CADM2: variants seen among roughly 807,000 people sequenced by gnomAD.
CADM2 encodes the protein immunoglobulin superfamily member 4D.
Under a neutral mutation model 49.8 loss-of-function variants are expected in CADM2, and 12 were observed. That is an observed-to-expected ratio of 0.24 (90% CI 0.15 to 0.39). The LOEUF is 0.39. Among genes scored for constraint, CADM2 ranks in the 10% least tolerant of loss-of-function variants. The probability of loss-of-function intolerance (pLI) is 1.00; values close to 1 mark genes in which losing one functional copy is unlikely to be tolerated. For missense variants in CADM2, 378 were observed against 492.3 expected (o/e 0.77, Z 2.20); for synonymous variants, 214 against 175.4 (o/e 1.22, Z -1.74).
intron 1 of CADM2, among the ~76,000 whole-genome samples, chr3:85,172,997 C>CTT (rs1160127798): frequency 1.5e-5 from 2 of 137,314 alleles, no homozygotes; most frequent in South Asian, 2.3e-4. Flanking sequence ...TATCTAATAC[C>CTT]TTTTTTTTTT....
At chr3:85,867,060 A>C (rs1476914939) in intron 3 of CADM2, among the ~76,000 whole-genome samples, 1 of 152,192 alleles carries the variant, frequency 6.6e-6, no homozygotes, top group Non-Finnish European at 1.5e-5. Flanking sequence ...TAATCATACT[A>C]TAAATTCCCT....
chr3:85,865,040 G>A (rs1320466655), intron 3 of CADM2, among the ~76,000 whole-genome samples: 1 of 152,222 alleles, frequency 6.6e-6, no homozygotes, highest in Non-Finnish European at 1.5e-5. Context: ...GCAGGGCACT[G>A]TGATCCAGTT....
At chr3:85,364,856 A>T (rs1011338958) in intron 1 of CADM2, among the ~76,000 whole-genome samples, 2 of 148,238 alleles carry the variant, frequency 1.3e-5, no homozygotes, top group Non-Finnish European at 3.0e-5. Context: ...TCTGGATCAT[A>T]TGCTTGTTCC....
chr3:85,888,986 G>GA (rs2108409994), intron 5 of CADM2, among the ~76,000 whole-genome samples: 1 of 152,146 alleles, frequency 6.6e-6, no homozygotes, highest in Non-Finnish European at 1.5e-5. Context: ...AAGGCAAACA[G>GA]AAAAGACAGG....
At chr3:85,705,667 C>T (rs547624550) in intron 1 of CADM2, among the ~76,000 whole-genome samples, 14 of 152,178 alleles carry the variant, frequency 9.2e-5, no homozygotes, top group Non-Finnish European at 1.3e-4. Context: ...CTGAACTCCA[C>T]ATGCTGGGAC....
At chr3:85,011,671 A>C (rs923767373) in intron 1 of CADM2, among the ~76,000 whole-genome samples, 1 of 152,046 alleles carries the variant, frequency 6.6e-6, no homozygotes, top group Non-Finnish European at 1.5e-5. Context: ...CCAACACAGG[A>C]GGATCGCTCG....
rs560137634 is a variant in CADM2, at chr3:85,689,040, C to A, written c.62-37482C>A. On this transcript the variant is annotated intron_variant, in intron 1 of 9. Transcript: ENST00000383699. The stretch of plus-strand genomic sequence containing the variant: ...CAAAAACTGGAAACAACCTAAATAT[C>A]TATTGACAGGTAGTATCCCTACAGA... Among the ~76,000 whole-genome samples the A allele has an allele frequency of 6.6e-5, 10 of 152,294 alleles. No individual in the cohort carries two copies. The South Asian group carries it at 2.1e-3, about 32-fold the overall frequency.
chr3:85,270,150 T>G (rs2043207917), intron 1 of CADM2, among the ~76,000 whole-genome samples: 1 of 151,318 alleles, frequency 6.6e-6, no homozygotes, highest in Non-Finnish European at 1.5e-5. Flanking sequence ...TCTCTGAATT[T>G]ATTGACCTGA....
chr3:85,426,131 CTT>C (rs75964821), intron 1 of CADM2, among the ~76,000 whole-genome samples: 44 of 148,354 alleles, frequency 3.0e-4, no homozygotes, highest in African/African-American at 9.3e-4. Flanking sequence ...TTCAGGCTAT[CTT>C]TTTTTTTTTC....
At chr3:85,959,146 A>ATCTCTCTCTC (rs1157977118) in intron 7 of CADM2, among the ~76,000 whole-genome samples, 26 of 71,946 alleles carry the variant, frequency 3.6e-4, no homozygotes, top group Admixed American at 1.2e-3. Context: ...ATCTTTATCT[A>ATCTCTCTCTC]TCTATCTCTC....
chr3:85,170,552 G>A (rs1311384648), intron 1 of CADM2, among the ~76,000 whole-genome samples: 1 of 151,946 alleles, frequency 6.6e-6, no homozygotes, highest in Non-Finnish European at 1.5e-5. Flanking sequence ...TAACCAGGCT[G>A]GTCTCAAACT....
At chr3:85,172,905 TATATA>T (rs896925439) in intron 1 of CADM2, among the ~76,000 whole-genome samples, 66 of 145,412 alleles carry the variant, frequency 4.5e-4, no homozygotes, top group Middle Eastern at 3.6e-3. Context: ...TTATATATTA[TATATA>T]ATATATGTAA....
chr3:85,116,552 G>A (rs539504449), intron 1 of CADM2, among the ~76,000 whole-genome samples: 10 of 152,178 alleles, frequency 6.6e-5, no homozygotes, highest in Admixed American at 1.3e-4. Context: ...AATTGAACAC[G>A]TTTGATTATA....
intron 3 of CADM2, among the ~76,000 whole-genome samples, chr3:85,803,518 T>TAGATAGAC (rs1553689180): frequency 3.3e-5 from 5 of 151,844 alleles, no homozygotes; most frequent in African/African-American, 1.2e-4. Flanking sequence ...GATAGATAGA[T>TAGATAGAC]AGATAGATAG....
intron 3 of CADM2, among the ~76,000 whole-genome samples, chr3:85,869,957 T>A (rs551947019): frequency 1.3e-5 from 2 of 152,138 alleles, no homozygotes; most frequent in Non-Finnish European, 2.9e-5. Context: ...CACCGCGCCC[T>A]GCCCTATCTG....
intron 1 of CADM2, among the ~76,000 whole-genome samples, chr3:85,633,989 A>T (rs549895354): frequency 2.0e-5 from 3 of 152,058 alleles, no homozygotes; most frequent in Non-Finnish European, 4.4e-5. Context: ...GTGGAAGCGT[A>T]TGATCGGAGT....
At chr3:85,191,637 C>T (rs2041210426) in intron 1 of CADM2, among the ~76,000 whole-genome samples, 1 of 151,992 alleles carries the variant, frequency 6.6e-6, no homozygotes, top group Non-Finnish European at 1.5e-5. Context: ...ATTATAAACA[C>T]CATCAGAGAA....
At position 85,297,395 on chromosome 3, in the gene CADM2, A is replaced by G. The variant is rs1023559443; in HGVS notation, c.61+337727A>G. Among the ~76,000 whole-genome samples the G allele has an allele frequency of 2.6e-4, 40 of 152,024 alleles. 1 individual carries two copies. The highest frequency in any genetic ancestry group is 6.8e-4 in the African/African-American group (28 of 41,422). On this transcript the variant is annotated intron_variant, in intron 1 of 9. Coordinates refer to ENST00000383699, the MANE Select transcript of CADM2 (RefSeq NM_001167675.2). ...GCAGTAAATAGCTAGAGGTAGAGAGATGGGGGAAAACAACAGGAGTTTCCA... is the reference window on the plus strand; with the variant it reads ...GCAGTAAATAGCTAGAGGTAGAGAGGTGGGGGAAAACAACAGGAGTTTCCA...
intron 1 of CADM2, among the ~76,000 whole-genome samples, chr3:85,153,222 G>T (rs755487758): frequency 9.9e-5 from 15 of 152,106 alleles, no homozygotes; most frequent in African/African-American, 3.6e-4. Flanking sequence ...AGGTCAGTGG[G>T]TGCGCGCACC....
Sources: allele counts gnomAD v4.1 joint callset (sites outside exome capture counted in the v4.1 genomes callset), GRCh38; gene constraint gnomAD v4.1.1; transcripts MANE v1.5; gene names NCBI Gene and HGNC (gene_info 2026-07-23, HGNC 2026-07-21).